Variants in PLXDC2 observed in about 807,000 individuals in gnomAD.
PLXDC2 encodes the protein plexin domain-containing protein 2.
In PLXDC2, 40 loss-of-function variants were observed where a neutral mutation model predicts 68.9. That is an observed-to-expected ratio of 0.58 (90% confidence interval 0.45 to 0.76). The LOEUF is 0.76. Ranked by LOEUF, PLXDC2 falls within the 30% of genes least tolerant of loss-of-function variation. PLXDC2 has a pLI of 0.00. For synonymous variants in PLXDC2, 243 were observed against 234.2 expected, an observed-to-expected ratio of 1.04 and a Z score of -0.34; for missense variants, 644 against 661.9, an observed-to-expected ratio of 0.97 and a Z score of 0.30.
chr10:20,159,401 A>T (rs922274205), intron 6 of PLXDC2, among the ~76,000 whole-genome samples: 1 of 152,076 alleles, frequency 6.6e-6, no homozygotes, highest in Admixed American at 6.6e-5. Context: ...AGCAGTGCAT[A>T]CATAATTCTT....
chr10:19,984,194 C>T (rs1365795955), intron 1 of PLXDC2, among the ~76,000 whole-genome samples: 1 of 152,218 alleles, frequency 6.6e-6, no homozygotes, highest in Non-Finnish European at 1.5e-5. Flanking sequence ...ACCCCTATCT[C>T]AGGGTTCCCC....
chr10:20,075,039 G>A (rs565859937), intron 4 of PLXDC2, among the ~76,000 whole-genome samples: 33 of 152,228 alleles, frequency 2.2e-4, no homozygotes, highest in African/African-American at 6.0e-4. Flanking sequence ...GATGAATTGC[G>A]TGATGTCTGA....
intron 1 of PLXDC2, among the ~76,000 whole-genome samples, chr10:19,879,430 T>C (rs1002938083): frequency 2.0e-5 from 3 of 152,202 alleles, no homozygotes; most frequent in Admixed American, 1.3e-4. Context: ...GTGAGCTTTA[T>C]ATCTCTATGT....
intron 5 of PLXDC2, among the ~76,000 whole-genome samples, chr10:20,143,639 G>A (rs899346932): frequency 2.0e-5 from 3 of 152,006 alleles, no homozygotes; most frequent in African/African-American, 4.8e-5. Flanking sequence ...CAGTAAAACT[G>A]AGTTGCTGTA....
chr10:20,089,186 G>A (rs1170230780), intron 4 of PLXDC2, among the ~76,000 whole-genome samples: 1 of 89,970 alleles, frequency 1.1e-5, no homozygotes, highest in Non-Finnish European at 2.0e-5. Flanking sequence ...GTGTGTGTGT[G>A]TGTGTGTGTG....
At chr10:19,862,171 C>T (rs368715922) in intron 1 of PLXDC2, among the ~76,000 whole-genome samples, 129 of 152,234 alleles carry the variant, frequency 8.5e-4, no homozygotes, top group African/African-American at 2.3e-3. Flanking sequence ...GTAATTGATG[C>T]ATAACCCGCC....
chr10:19,888,077 A>T (rs557897875), intron 1 of PLXDC2, among the ~76,000 whole-genome samples: 1 of 152,372 alleles, frequency 6.6e-6, no homozygotes, highest in South Asian at 2.1e-4. Context: ...TTCAGCTGTG[A>T]GAAATTGTTA....
At chr10:20,175,199 G>T (rs1395141674) in intron 7 of PLXDC2, among the ~76,000 whole-genome samples, 4 of 152,142 alleles carry the variant, frequency 2.6e-5, no homozygotes, top group Admixed American at 2.6e-4. Context: ...ATGTGAAAGG[G>T]ACTGTCTAGC....
At chr10:20,027,690 C>G (rs1424471144) in intron 2 of PLXDC2, among the ~76,000 whole-genome samples, 1 of 73,572 alleles carries the variant, frequency 1.4e-5, no homozygotes, top group Non-Finnish European at 3.2e-5. Flanking sequence ...CTGGGACAAC[C>G]TGAAAAAAAA....
At chr10:20,006,888 T>G (rs1835035757) in intron 2 of PLXDC2, among the ~76,000 whole-genome samples, 1 of 152,256 alleles carries the variant, frequency 6.6e-6, no homozygotes, top group Non-Finnish European at 1.5e-5. Context: ...ATGCCGCTAT[T>G]GATCTGAATG....
intron 1 of PLXDC2, among the ~76,000 whole-genome samples, chr10:19,888,258 C>T (rs904753121): frequency 5.3e-5 from 8 of 152,144 alleles, no homozygotes; most frequent in African/African-American, 1.9e-4. Context: ...ATAGAAATTT[C>T]ACTCCCTGAT....
chr10:20,108,930 A>G (rs911501399), intron 4 of PLXDC2, among the ~76,000 whole-genome samples: 107 of 152,166 alleles, frequency 7.0e-4, no homozygotes, highest in Non-Finnish European at 1.6e-4. Flanking sequence ...TTATATGGAC[A>G]TTTGTTTATG....
intron 1 of PLXDC2, among the ~76,000 whole-genome samples, chr10:19,858,095 C>T (rs1323059289): frequency 1.3e-5 from 2 of 152,064 alleles, no homozygotes; most frequent in African/African-American, 4.8e-5. Flanking sequence ...CATCTGGCCT[C>T]TTGGAGGAAC....
intron 1 of PLXDC2, among the ~76,000 whole-genome samples, chr10:19,945,911 A>G (rs1833894307): frequency 6.6e-6 from 1 of 152,222 alleles, no homozygotes; most frequent in South Asian, 2.1e-4. Flanking sequence ...AGGACTGGAA[A>G]TATATTTTCA....
intron 1 of PLXDC2, among the ~76,000 whole-genome samples, chr10:19,886,060 G>A (rs1837840753): frequency 6.6e-6 from 1 of 152,052 alleles, no homozygotes; most frequent in Non-Finnish European, 1.5e-5. Flanking sequence ...TCCTTGAAGA[G>A]GTCCTTCACA....
intron 9 of PLXDC2, among the ~76,000 whole-genome samples, chr10:20,184,090 C>T (rs1308780949): frequency 1.3e-5 from 2 of 151,774 alleles, no homozygotes; most frequent in Non-Finnish European, 2.9e-5. Flanking sequence ...ATAGTAGTAT[C>T]ACATAATTAT....
chr10:20,136,470 C>T (rs1833934350), intron 4 of PLXDC2, among the ~76,000 whole-genome samples: 1 of 152,152 alleles, frequency 6.6e-6, no homozygotes, highest in Non-Finnish European at 1.5e-5. Flanking sequence ...GTTGTTCAAG[C>T]AACTTGTCCA....
At chr10:20,110,271 G>T (rs189545387) in intron 4 of PLXDC2, among the ~76,000 whole-genome samples, 46 of 152,162 alleles carry the variant, frequency 3.0e-4, no homozygotes, top group Non-Finnish European at 5.9e-4. Flanking sequence ...AGAATAGAAG[G>T]CCTGCCCTTG....
At chr10:20,061,003 G>A (rs1347199316) in intron 3 of PLXDC2, among the ~76,000 whole-genome samples, 1 of 152,070 alleles carries the variant, frequency 6.6e-6, no homozygotes, top group African/African-American at 2.4e-5. Flanking sequence ...GTAAAATTTT[G>A]TTTTGAAATA....
Sources: allele counts gnomAD v4.1 joint callset (sites outside exome capture counted in the v4.1 genomes callset), GRCh38; gene constraint gnomAD v4.1.1; transcripts MANE v1.5; gene names NCBI Gene and HGNC (gene_info 2026-07-23, HGNC 2026-07-21).